ZC3H12B: variants seen among roughly 807,000 people sequenced by gnomAD.
ZC3H12B encodes the protein probable ribonuclease ZC3H12B.
A neutral mutation model predicts 43.9 loss-of-function variants in ZC3H12B; 7 were observed. The ratio of observed to expected loss-of-function variants is 0.16; its 90% CI spans 0.09 to 0.30. The LOEUF (loss-of-function observed/expected upper bound fraction) is 0.30. Among genes scored for constraint, ZC3H12B ranks in the 10% least tolerant of loss-of-function variants. The pLI is 1.00. For synonymous variants in ZC3H12B, 222 were observed against 241.7 expected (o/e 0.92, Z 0.76); for missense variants, 475 against 670.2 (o/e 0.71, Z 3.22).
chrX:65,269,131 G>A, the ZC3H12B span, among the ~76,000 whole-genome samples: 4 of 111,086 alleles, frequency 3.6e-5, no homozygotes, highest in Admixed American at 9.6e-5. Flanking sequence ...TGGATCACAA[G>A]GTCAAGAGAT....
At chrX:65,320,711 T>C in the ZC3H12B span, among the ~76,000 whole-genome samples, 2 of 111,435 alleles carry the variant, frequency 1.8e-5, no homozygotes, top group African/African-American at 6.5e-5. Flanking sequence ...CATAGACCAA[T>C]GGAACAGAAT....
At chrX:65,396,313 G>T (rs895330635) in intron 2 of ZC3H12B, among the ~76,000 whole-genome samples, 7 of 111,973 alleles carry the variant, frequency 6.3e-5, no homozygotes, top group African/African-American at 1.9e-4. Context: ...TCTGATGTGG[G>T]CATTTAGTGC....
the ZC3H12B span, among the ~76,000 whole-genome samples, chrX:65,193,163 G>A: frequency 1.9e-5 from 2 of 107,563 alleles, no homozygotes; most frequent in African/African-American, 6.8e-5. Flanking sequence ...TATCAGGGTA[G>A]TTCTGGCCTC....
chrX:65,145,678 G>A, the ZC3H12B span, among the ~76,000 whole-genome samples: 1 of 111,451 alleles, frequency 9.0e-6, no homozygotes, highest in African/African-American at 3.3e-5. Flanking sequence ...TGCTGGTTTG[G>A]TAGTGCTGAA....
the ZC3H12B span, among the ~76,000 whole-genome samples, chrX:65,306,517 C>T: frequency 9.0e-6 from 1 of 110,725 alleles, no homozygotes; most frequent in African/African-American, 3.3e-5. Context: ...GGACTACAGG[C>T]ACACGCTGCC....
chrX:65,153,486 C>T, the ZC3H12B span, among the ~76,000 whole-genome samples: 2 of 112,426 alleles, frequency 1.8e-5, no homozygotes, highest in Middle Eastern at 4.6e-3. Context: ...AAAATGCTCA[C>T]CATCACTGGC....
the ZC3H12B span, among the ~76,000 whole-genome samples, chrX:65,160,882 T>C: frequency 1.8e-5 from 2 of 111,683 alleles, no homozygotes; most frequent in African/African-American, 6.5e-5. Flanking sequence ...GTTCCTGCTT[T>C]CTCTTGTGGG....
chrX:65,132,794 C>G, the ZC3H12B span, among the ~76,000 whole-genome samples: 3 of 110,905 alleles, frequency 2.7e-5, no homozygotes, highest in South Asian at 1.2e-3. Context: ...AGTGGATAGC[C>G]TCCGTAGTGA....
At chrX:65,172,410 TGAG>T in the ZC3H12B span, among the ~76,000 whole-genome samples, 2 of 112,189 alleles carry the variant, frequency 1.8e-5, no homozygotes, top group East Asian at 5.5e-4. Flanking sequence ...TTTCCTTTGC[TGAG>T]GAGAAGTGCT....
the ZC3H12B span, among the ~76,000 whole-genome samples, chrX:65,155,719 G>C: frequency 9.0e-6 from 1 of 110,794 alleles, no homozygotes; most frequent in Non-Finnish European, 1.9e-5. Context: ...AATTAGCCAG[G>C]CGTGGTGGCA....
At chrX:65,155,766 G>A in the ZC3H12B span, among the ~76,000 whole-genome samples, 29 of 110,559 alleles carry the variant, frequency 2.6e-4, no homozygotes, top group East Asian at 7.5e-3. Context: ...AGGTTGATGT[G>A]GGAAGATCAC....
At chrX:65,422,975 T>A (rs1426410266) in intron 3 of ZC3H12B, among the ~76,000 whole-genome samples, 1 of 89,929 alleles carries the variant, frequency 1.1e-5, no homozygotes, top group Non-Finnish European at 2.1e-5. Flanking sequence ...CTGTGTTGCC[T>A]AGGCTGGACT....
chrX:65,149,412 T>A, the ZC3H12B span, among the ~76,000 whole-genome samples: 1 of 111,866 alleles, frequency 8.9e-6, no homozygotes, highest in Non-Finnish European at 1.9e-5. Flanking sequence ...TGTTATTAGG[T>A]TAAAATTACA....
chrX:65,316,692 A>G, the ZC3H12B span, among the ~76,000 whole-genome samples: 1 of 112,106 alleles, frequency 8.9e-6, no homozygotes, highest in Non-Finnish European at 1.9e-5. Context: ...CCACAAAAAT[A>G]CACTTAATTA....
At chrX:65,423,209 G>A (rs1316585491) in intron 3 of ZC3H12B, among the ~76,000 whole-genome samples, 1 of 111,331 alleles carries the variant, frequency 9.0e-6, no homozygotes. Flanking sequence ...GGGATTACAG[G>A]CATGAGCCAC....
the ZC3H12B span, among the ~76,000 whole-genome samples, chrX:65,340,106 A>G: frequency 8.9e-6 from 1 of 111,819 alleles, no homozygotes; most frequent in South Asian, 3.8e-4. Flanking sequence ...AAACAAGTGA[A>G]AGAGAACAGT....
At chrX:65,451,945 G>A (rs895146578) in intron 3 of ZC3H12B, among the ~76,000 whole-genome samples, 3 of 111,851 alleles carry the variant, frequency 2.7e-5, no homozygotes, top group African/African-American at 6.5e-5. Context: ...TTATGGAGAG[G>A]CTTTATTGAT....
chrX:65,399,885 G>A (rs1407414898), intron 3 of ZC3H12B, among the ~76,000 whole-genome samples: 1 of 111,681 alleles, frequency 9.0e-6, no homozygotes, highest in East Asian at 2.8e-4. Flanking sequence ...GCAACAACAT[G>A]GATGGAACTG....
intron 2 of ZC3H12B, among the ~76,000 whole-genome samples, chrX:65,374,892 G>C (rs1050030629): frequency 9.0e-6 from 1 of 110,957 alleles, no homozygotes; most frequent in South Asian, 3.9e-4. Flanking sequence ...CATGAGAAAA[G>C]CATGAGGGTA....
Sources: gnomAD v4.1 joint callset for allele counts (sites outside exome capture counted in the v4.1 genomes callset) on GRCh38, gnomAD v4.1.1 for gene constraint, MANE v1.5 for transcripts, NCBI Gene and HGNC (gene_info 2026-07-23, HGNC 2026-07-21) for gene names.